ADCY3: variants seen among roughly 807,000 people sequenced by gnomAD.
ADCY3 encodes the protein adenylate cyclase 3, also known as adenylate cyclase type 3.
In ADCY3, 70 loss-of-function variants were observed where a neutral mutation model predicts 119.4. The ratio of observed to expected loss-of-function variants is 0.59; its 90% CI spans 0.48 to 0.72. The LOEUF is 0.72. ADCY3 is among the 30% of genes least tolerant of loss of function. The probability of loss-of-function intolerance (pLI) is 0.00; values close to 1 mark genes in which losing one functional copy is unlikely to be tolerated. For missense variants in ADCY3, 1,238 were observed against 1,541.6 expected, an observed-to-expected ratio of 0.80 and a Z score of 3.30; for synonymous variants, 672 against 621.4, an observed-to-expected ratio of 1.08 and a Z score of -1.21.
chr2:24,890,496 A>G (rs1332739147), intron 2 of ADCY3, among the ~76,000 whole-genome samples: 2 of 152,224 alleles, frequency 1.3e-5, no homozygotes, highest in African/African-American at 2.4e-5. Context: ...TTCAATTTCT[A>G]CAATGGATAT....
At chr2:24,852,838 A>G (rs547832499) in intron 3 of ADCY3, among the ~76,000 whole-genome samples, 10 of 152,368 alleles carry the variant, frequency 6.6e-5, no homozygotes, top group African/African-American at 2.2e-4. Flanking sequence ...GCCCATCCCC[A>G]GGACTTCAGG....
rs1678949734 is a variant in ADCY3, at chr2:24,901,947, T to A, written c.675+16366A>T. ...TATTTAAAATACATATAAATGTATA[T>A]ATGTATGCACAATTTTTGTGATTCC... On this transcript the variant is annotated intron_variant, in intron 2 of 21. Transcript: ENST00000679454. Among the ~76,000 whole-genome samples the A allele has an allele frequency of 2.0e-5, 3 of 152,088 alleles. No homozygotes were observed. The South Asian group carries it at 6.2e-4, about 31-fold the overall frequency.
In ADCY3 at chr2:24,878,384, C is replaced by T. The variant is rs575772222; in HGVS notation, c.676-5665G>A. Among the ~76,000 whole-genome samples, 2 of 152,076 alleles carry T rather than the reference C, an allele frequency of 1.3e-5. No homozygotes were observed. The highest frequency in any genetic ancestry group is 2.4e-5 in the African/African-American group (1 of 41,402). On this transcript the variant is annotated intron_variant, in intron 2 of 21. Transcript: ENST00000679454. This position sits in a 1 kb window ranked among gnomAD's most constrained non-coding sequence, Gnocchi z 4.0. ...AAGTGGGACTGTCGAGTGGAAGTCACCCCACTGGAGGCGGTTTGGTGGCTC... is the reference window on the plus strand; with the variant it reads ...AAGTGGGACTGTCGAGTGGAAGTCATCCCACTGGAGGCGGTTTGGTGGCTC...
intron 12 of ADCY3, among the ~76,000 whole-genome samples, 166 bp from the exon 13 acceptor site, chr2:24,830,991 G>A (rs1669413793): frequency 6.6e-6 from 1 of 152,190 alleles, no homozygotes; most frequent in Non-Finnish European, 1.5e-5. Flanking sequence ...GCTGAGAAGA[G>A]GGCGTGGGAG....
At chr2:24,880,990 G>A (rs1676330869) in intron 2 of ADCY3, among the ~76,000 whole-genome samples, 1 of 150,522 alleles carries the variant, frequency 6.6e-6, no homozygotes, top group African/African-American at 2.5e-5. Flanking sequence ...ACTCCAGCCT[G>A]GGCAATAGAG....
intron 2 of ADCY3, among the ~76,000 whole-genome samples, chr2:24,913,337 C>T (rs1214794489): frequency 1.3e-5 from 2 of 152,218 alleles, no homozygotes; most frequent in African/African-American, 2.4e-5. Context: ...CATCCAATTC[C>T]CATGGGGAGA....
chr2:24,846,608 C>T (rs949601104), intron 3 of ADCY3, among the ~76,000 whole-genome samples: 3 of 147,004 alleles, frequency 2.0e-5, no homozygotes, highest in South Asian at 2.1e-4. Context: ...GACGAAGTCT[C>T]GCTCTTGTCC....
intron 3 of ADCY3, among the ~76,000 whole-genome samples, chr2:24,869,471 T>A (rs1674705167): frequency 6.6e-6 from 1 of 152,070 alleles, no homozygotes; most frequent in South Asian, 2.1e-4. Flanking sequence ...AGTGGCACAA[T>A]CATGGCTCAC....
At position 24,898,277 on chromosome 2, in the gene ADCY3, C is replaced by T. The variant is rs987228941; in HGVS notation, c.675+20036G>A. ...TCTCCCAGTTCGTGCGCCACAGAGG[C>T]CCCCGGGGAGGCTCGAGGACCGCCT... On this transcript the variant is annotated intron_variant, in intron 2 of 21. Transcript: ENST00000679454. The surrounding 1 kb of genome is among the most constrained non-coding windows in gnomAD (Gnocchi z 4.3). Among the ~76,000 whole-genome samples the T allele has an allele frequency of 6.6e-6, 1 of 152,044 alleles. No homozygotes were observed. The highest frequency in any genetic ancestry group is 2.4e-5 in the African/African-American group (1 of 41,396).
At chr2:24,913,523 A>AC (rs1008442772) in intron 2 of ADCY3, among the ~76,000 whole-genome samples, 1 of 151,090 alleles carries the variant, frequency 6.6e-6, no homozygotes, top group Non-Finnish European at 1.5e-5. Context: ...CTCATCAGTG[A>AC]CCCCTCCCCT....
intron 3 of ADCY3, among the ~76,000 whole-genome samples, chr2:24,856,030 T>G (rs1407568396): frequency 6.6e-6 from 1 of 152,162 alleles, no homozygotes; most frequent in Non-Finnish European, 1.5e-5. Context: ...ATTCAGGAGT[T>G]AATTACAGCA....
intron 3 of ADCY3, among the ~76,000 whole-genome samples, chr2:24,855,022 C>G (rs1672831673): frequency 6.6e-6 from 1 of 152,090 alleles, no homozygotes. Flanking sequence ...TGCACTCCAG[C>G]CTGGGTGACA....
At chr2:24,867,701 T>C (rs558674132) in intron 3 of ADCY3, among the ~76,000 whole-genome samples, 3 of 152,114 alleles carry the variant, frequency 2.0e-5, no homozygotes, top group African/African-American at 4.8e-5. Flanking sequence ...TAAAAGGTAA[T>C]ACTAAAGGGA....
intron 17 of ADCY3, 22 bp from the exon 18 acceptor site, chr2:24,823,377 G>T: frequency 1.9e-6 from 3 of 1,608,852 alleles, no homozygotes; most frequent in Non-Finnish European, 2.5e-6. Flanking sequence ...TGCGGACAAC[G>T]TGCTCAAAGC....
chr2:24,835,033 G>C, intron 9 of ADCY3, 97 bp from the exon 10 acceptor site: 2 of 1,438,732 alleles, frequency 1.4e-6, no homozygotes, highest in Non-Finnish European at 1.9e-6. Context: ...GAACAAAAGA[G>C]GGCATACTCG....
rs1670931812 is a variant in ADCY3, at chr2:24,841,006, C to T, written c.1196+253G>A. Among the ~76,000 whole-genome samples the T allele has an allele frequency of 1.3e-5, 2 of 152,242 alleles. No homozygotes were observed. The highest frequency in any genetic ancestry group is 4.1e-4 in the South Asian group (2 of 4,832). On this transcript the variant is annotated intron_variant, in intron 6 of 21. Coordinates refer to ENST00000679454, the MANE Select transcript of ADCY3 (RefSeq NM_004036.5). The surrounding 1 kb of genome is among the most constrained non-coding windows in gnomAD (Gnocchi z 5.8). ...TTCTGGCAAAAAGAGAATACGTGGA[C>T]TAAGGCTGGAAAAGTGTGCCCCACA... is the stretch of plus-strand genomic sequence containing the variant.
chr2:24,908,920 C>T (rs1393538373), intron 2 of ADCY3, among the ~76,000 whole-genome samples: 1 of 152,170 alleles, frequency 6.6e-6, no homozygotes, highest in Non-Finnish European at 1.5e-5. Flanking sequence ...GGCTGCTCCA[C>T]GTGTTGGATT....
At chr2:24,914,265 A>T (rs1187368733) in intron 2 of ADCY3, among the ~76,000 whole-genome samples, 1 of 152,200 alleles carries the variant, frequency 6.6e-6, no homozygotes, top group African/African-American at 2.4e-5. Context: ...TCAGTGCTCC[A>T]TGGAACACAG....
At chr2:24,855,952 T>C (rs1558459770) in intron 3 of ADCY3, among the ~76,000 whole-genome samples, 1 of 152,072 alleles carries the variant, frequency 6.6e-6, no homozygotes, top group African/African-American at 2.4e-5. Flanking sequence ...AGGACAGAGA[T>C]AGAAGGGGGA....
Sources: gnomAD v4.1 joint callset for allele counts (sites outside exome capture counted in the v4.1 genomes callset) on GRCh38, gnomAD v4.1.1 for gene constraint, Gnocchi (gnomAD v3.1) non-coding constraint, MANE v1.5 for transcripts, NCBI Gene and HGNC (gene_info 2026-07-23, HGNC 2026-07-21) for gene names.